PTPRK: variants seen among roughly 807,000 people sequenced by gnomAD.
PTPRK encodes protein tyrosine phosphatase receptor type K.
PTPRK carries 75 observed loss-of-function variants against 178.0 expected under a neutral mutation model. That is an observed-to-expected ratio of 0.42 (90% CI 0.35 to 0.51). PTPRK has a LOEUF of 0.51. Ranked by LOEUF, PTPRK falls within the 20% of genes least tolerant of loss-of-function variation. The probability of loss-of-function intolerance (pLI) is 0.02; values close to 1 mark genes in which losing one functional copy is unlikely to be tolerated. For synonymous variants in PTPRK, 637 were observed against 620.6 expected (o/e 1.03, Z -0.39); for missense variants, 1,441 against 1,797.8 (o/e 0.80, Z 3.59).
At chr6:128,409,769 G>A (rs1004011976) in intron 1 of PTPRK, among the ~76,000 whole-genome samples, 2 of 152,102 alleles carry the variant, frequency 1.3e-5, no homozygotes, top group Non-Finnish European at 2.9e-5. Context: ...TTAAAAGGGG[G>A]CGTTTTCCTG....
intron 7 of PTPRK, among the ~76,000 whole-genome samples, chr6:128,093,352 G>T (rs775500974): frequency 1.3e-5 from 2 of 151,944 alleles, no homozygotes; most frequent in Non-Finnish European, 2.9e-5. Flanking sequence ...CTAGCAGTTT[G>T]GGAGGCCATG....
intron 1 of PTPRK, among the ~76,000 whole-genome samples, chr6:128,414,244 A>C (rs774085458): frequency 1.3e-5 from 2 of 152,200 alleles, no homozygotes; most frequent in Non-Finnish European, 2.9e-5. Flanking sequence ...TCAGCTCCCT[A>C]TCTCCAGGTA....
At chr6:128,518,982 G>A (rs1360997498) in intron 1 of PTPRK, 1 of 496,282 alleles carries the variant, frequency 2.0e-6, no homozygotes, top group Admixed American at 2.2e-5. Flanking sequence ...ACAACAACGT[G>A]AGAAACTGTC....
intron 13 of PTPRK, among the ~76,000 whole-genome samples, chr6:128,019,213 T>C (rs1257784011): frequency 2.6e-5 from 4 of 152,208 alleles, no homozygotes; most frequent in Non-Finnish European, 4.4e-5. Flanking sequence ...AGTTCTAGTA[T>C]TAACTTCTGA....
intron 13 of PTPRK, among the ~76,000 whole-genome samples, chr6:128,013,075 T>A (rs1779221532): frequency 6.6e-6 from 1 of 151,370 alleles, no homozygotes; most frequent in Non-Finnish European, 1.5e-5. Flanking sequence ...CAATGTGTAC[T>A]TTTCTAGTCT....
At chr6:128,117,956 T>C (rs1791826710) in intron 7 of PTPRK, among the ~76,000 whole-genome samples, 1 of 152,182 alleles carries the variant, frequency 6.6e-6, no homozygotes, top group Non-Finnish European at 1.5e-5. Context: ...GACCATGTTA[T>C]GTTAAAAATG....
chr6:128,035,755 T>C (rs752116180), intron 13 of PTPRK, among the ~76,000 whole-genome samples: 1 of 152,164 alleles, frequency 6.6e-6, no homozygotes, highest in East Asian at 1.9e-4. Flanking sequence ...TGGAGGCATC[T>C]AGGAAATGTG....
intron 6 of PTPRK, among the ~76,000 whole-genome samples, chr6:128,214,421 A>T (rs1808838316): frequency 1.3e-5 from 2 of 152,102 alleles, no homozygotes. Context: ...TTATTTCCTC[A>T]GTTACTATCT....
chr6:128,299,355 G>T (rs1252616946), intron 3 of PTPRK, among the ~76,000 whole-genome samples: 1 of 151,116 alleles, frequency 6.6e-6, no homozygotes, highest in African/African-American at 2.4e-5. Context: ...TTTCTTCACA[G>T]AATTGGAAAA....
At chr6:128,474,255 G>C (rs144600039) in intron 1 of PTPRK, among the ~76,000 whole-genome samples, 103 of 152,102 alleles carry the variant, frequency 6.8e-4, no homozygotes, top group African/African-American at 2.4e-3. Flanking sequence ...TAAAGCAGAG[G>C]TGACATCACG....
intron 3 of PTPRK, 110 bp downstream of exon 3, chr6:128,321,929 C>A (rs1828852010): frequency 2.1e-6 from 3 of 1,429,678 alleles, no homozygotes; most frequent in African/African-American, 2.8e-5. Flanking sequence ...GTGGGGGAGG[C>A]AAGAGGGCAA....
chr6:128,090,236 C>T (rs183185549), intron 7 of PTPRK, among the ~76,000 whole-genome samples: 1 of 152,154 alleles, frequency 6.6e-6, no homozygotes, highest in East Asian at 1.9e-4. Context: ...AGGAACTTGG[C>T]AGAAAAATAA....
chr6:128,485,446 T>C (rs567909355), intron 1 of PTPRK, among the ~76,000 whole-genome samples: 1 of 152,212 alleles, frequency 6.6e-6, no homozygotes. Flanking sequence ...AAGTCATTCA[T>C]TGAAAATGCA....
chr6:128,199,849 T>C (rs913756753), intron 6 of PTPRK, among the ~76,000 whole-genome samples: 4 of 152,310 alleles, frequency 2.6e-5, no homozygotes, highest in Middle Eastern at 3.4e-3. Context: ...ATCTTTTGAC[T>C]TCTAAAGCAA....
At chr6:128,057,489 G>C (rs1048645514) in intron 13 of PTPRK, among the ~76,000 whole-genome samples, 7 of 152,296 alleles carry the variant, frequency 4.6e-5, no homozygotes, top group Middle Eastern at 3.4e-3. Context: ...TAGCAAGAAG[G>C]GGTCCATGTG....
intron 7 of PTPRK, among the ~76,000 whole-genome samples, chr6:128,157,527 A>T (rs906821653): frequency 6.6e-6 from 1 of 151,984 alleles, no homozygotes; most frequent in Non-Finnish European, 1.5e-5. Context: ...ATGGTTAAAA[A>T]CATTCCACAG....
intron 3 of PTPRK, among the ~76,000 whole-genome samples, chr6:128,291,976 G>A (rs1028716699): frequency 6.6e-6 from 1 of 152,016 alleles, no homozygotes; most frequent in Non-Finnish European, 1.5e-5. Flanking sequence ...AGAAGTTCAC[G>A]CTAATGCAAT....
At chr6:128,362,850 A>C (rs1423063628) in intron 2 of PTPRK, among the ~76,000 whole-genome samples, 1 of 152,178 alleles carries the variant, frequency 6.6e-6, no homozygotes, top group Non-Finnish European at 1.5e-5. Flanking sequence ...AAATTTTCTC[A>C]ACAAAGAAAG....
chr6:127,970,545 ATC>A (rs1426219559), intron 29 of PTPRK, among the ~76,000 whole-genome samples: 2 of 152,022 alleles, frequency 1.3e-5, no homozygotes, highest in African/African-American at 2.4e-5. Context: ...ATAATTTTTT[ATC>A]TGTTTATAAT....
Sources: allele counts gnomAD v4.1 joint callset (sites outside exome capture counted in the v4.1 genomes callset), GRCh38; gene constraint gnomAD v4.1.1; transcripts MANE v1.5; gene names NCBI Gene and HGNC (gene_info 2026-07-23, HGNC 2026-07-21).